LOXL1: variants seen among roughly 807,000 people sequenced by gnomAD.
LOXL1 encodes lysyl oxidase like 1, also known as lysyl oxidase homolog 1.
LOXL1 carries 31 observed loss-of-function variants against 62.2 expected under a neutral mutation model. The ratio of observed to expected loss-of-function variants is 0.50; its 90% CI spans 0.37 to 0.67. The LOEUF (loss-of-function observed/expected upper bound fraction) is 0.67, where lower values mean the gene tolerates loss of function less well. Among genes scored for constraint, LOXL1 ranks in the 30% least tolerant of loss-of-function variants. LOXL1 has a pLI of 0.00. For missense variants in LOXL1, 775 were observed against 843.4 expected (o/e 0.92, Z 1.00); for synonymous variants, 403 against 384.4 (o/e 1.05, Z -0.56).
chr15:73,947,841 C>T lies in LOXL1; in HGVS notation c.1541C>T (p.Ala514Val), dbSNP rs745893746. The change falls in exon 5 of 7, where the codon GCG becomes GTG. Residue 514 changes from alanine (A) to valine (V), a missense_variant. Ala to Val is a moderately conservative substitution (Grantham distance 64). Coordinates refer to ENST00000261921, the MANE Select transcript of LOXL1 (RefSeq NM_005576.4). ...CCAGGCTGCTATGACACCTACAATG[C>T]GGACATCGACTGCCAGTGGATCGAC... Reference protein sequence around the residue: ...LSPGCYDTYNADIDCQWIDIT... With the variant: ...LSPGCYDTYNVDIDCQWIDIT... The T allele has an allele frequency of 5.0e-6, 8 of 1,613,548 alleles. No homozygotes were observed. The highest frequency in any genetic ancestry group is 1.1e-5 in the South Asian group (1 of 91,058).
chr15:73,943,158 G>C (rs1188947014), intron 2 of LOXL1, among the ~76,000 whole-genome samples, 196 bp downstream of exon 2: 1 of 152,230 alleles, frequency 6.6e-6, no homozygotes. Context: ...AGGGGAGCAA[G>C]CGGGGGCCCA....
chr15:73,950,314 G>C (rs1342299102), intron 6 of LOXL1, among the ~76,000 whole-genome samples: 1 of 141,602 alleles, frequency 7.1e-6, no homozygotes, highest in Non-Finnish European at 1.5e-5. Flanking sequence ...AAAAAAATTA[G>C]TCCTAGAGCT....
At chr15:73,931,242 C>G (rs2141622756) in intron 1 of LOXL1, among the ~76,000 whole-genome samples, 1 of 151,976 alleles carries the variant, frequency 6.6e-6, no homozygotes, top group South Asian at 2.1e-4. Flanking sequence ...GATGGCTGTG[C>G]TAGCCTTGCC....
At position 73,947,191 on chromosome 15, in the gene LOXL1, C is replaced by G; in HGVS notation, c.1474C>G (p.Leu492Val). 1 of 1,612,720 alleles carries G rather than the reference C, an allele frequency of 6.2e-7. No homozygotes were observed. Among genetic ancestry groups the G allele is most frequent in the Non-Finnish European group, 8.5e-7 (1 of 1,178,886 alleles). Residue 492 changes from leucine (L) to valine (V), a missense_variant, in exon 4 of 7, where the codon CTC becomes GTC. Transcript: ENST00000261921. ...GGACAGCACCTGTGACTTCGGCAAC[C>G]TCAAGCGCTATGCATGCACCTCTCA... Reference protein sequence around the residue: ...LEDSTCDFGNLKRYACTSHTQ... With the variant: ...LEDSTCDFGNVKRYACTSHTQ...
chr15:73,951,777 C>T, intron 6 of LOXL1, 54 bp from the exon 7 acceptor site: 1 of 1,486,504 alleles, frequency 6.7e-7, no homozygotes, highest in Non-Finnish European at 9.0e-7. Context: ...GCTGAGGAGG[C>T]CACGGGGGCC....
intron 4 of LOXL1, chr15:73,947,543 C>G (rs1376119304): frequency 2.0e-6 from 1 of 498,422 alleles, no homozygotes; most frequent in Non-Finnish European, 3.6e-6. Context: ...CCTAAATATC[C>G]ACAAACTGTC....
At position 73,942,640 on chromosome 15, in the gene LOXL1, C is replaced by T. The variant is rs113498647; in HGVS notation, c.1103-214C>T. Among the ~76,000 whole-genome samples, 1,016 of 152,224 alleles carry T rather than the reference C, an allele frequency of 6.7e-3. 13 individuals are homozygous for T. Among genetic ancestry groups the T allele is most frequent in the African/African-American group, 0.023 (949 of 41,518 alleles). ...CAGGAAGTCTTAGCAGCTCCCACAC[C>T]GCAGAGCTCGAGATGTAAGCTCTTG... On this transcript the variant is annotated intron_variant, in intron 1 of 6. Coordinates refer to ENST00000261921, the MANE Select transcript of LOXL1 (RefSeq NM_005576.4).
chr15:73,927,329 G>A lies in LOXL1; in HGVS notation c.546G>A (p.Ala182=), dbSNP rs2068590328. The A allele has an allele frequency of 1.9e-6, 3 of 1,602,680 alleles. No homozygotes were observed. The highest frequency in any genetic ancestry group is 2.6e-6 in the Non-Finnish European group (3 of 1,176,284). The part of the protein sequence containing the change: ...SYPQQFPYPQ[A]PFVSQYENYD... ...CGCAGCAGTTCCCCTACCCGCAGGCGCCCTTCGTCAGCCAGTACGAGAACT... is the reference window on the plus strand; with the variant it reads ...CGCAGCAGTTCCCCTACCCGCAGGCACCCTTCGTCAGCCAGTACGAGAACT... The change falls in exon 1 of 7, where the codon GCG becomes GCA. Residue 182 remains alanine (A), a synonymous_variant. Coordinates refer to ENST00000261921, the MANE Select transcript of LOXL1 (RefSeq NM_005576.4).
In LOXL1 at chr15:73,946,572, G is replaced by A. The variant is rs1423410625; in HGVS notation, c.1349+18G>A. On this transcript the variant is annotated intron_variant, in intron 3 of 6. Transcript: ENST00000261921. ...TGCCACCAGTGAGTGGGGAGGGGCTGGGCCCGTCCTCTTCCACTTCTCCTC... is the reference window on the plus strand; with the variant it reads ...TGCCACCAGTGAGTGGGGAGGGGCTAGGCCCGTCCTCTTCCACTTCTCCTC... 5.7e-6 allele frequency: 9 copies of A among 1,591,254 alleles called. No individual in the cohort carries two copies. Among genetic ancestry groups the A allele is most frequent in the Non-Finnish European group, 7.7e-6 (9 of 1,168,618 alleles).
Position 73,926,905 on chromosome 15 carries a change from AGCT to A in LOXL1, c.124_126del (p.Leu42del). The A allele has an allele frequency of 6.4e-7, 1 of 1,568,468 alleles. No homozygotes were observed. Among genetic ancestry groups the A allele is most frequent in the Non-Finnish European group, 8.6e-7 (1 of 1,157,878 alleles). On this transcript the variant is annotated inframe_deletion, in exon 1 of 7. Coordinates refer to ENST00000261921, the MANE Select transcript of LOXL1 (RefSeq NM_005576.4). The stretch of plus-strand genomic sequence containing the variant: ...GGCTCGGACCCCGCCCGCTGGCGGC[AGCT>A]GATCCAGTGGGAGAACAACGGGCAG...
chr15:73,926,751 C>T lies in LOXL1; in HGVS notation c.-33C>T. The T allele has an allele frequency of 7.4e-7, 1 of 1,358,660 alleles. No homozygotes were observed. The highest frequency in any genetic ancestry group is 9.5e-7 in the Non-Finnish European group (1 of 1,048,214). 84.2% of individuals were successfully genotyped at this position (1,358,660 alleles called of 1,614,324 possible). A position where few individuals can be genotyped will look rare whatever the true frequency, so the allele number is the denominator to read the frequency against. On this transcript the variant is annotated 5_prime_UTR_variant, in exon 1 of 7. Coordinates refer to ENST00000261921, the MANE Select transcript of LOXL1 (RefSeq NM_005576.4). ...CCCAGGGGGCCACTCCTGAGAGCCT[C>T]TCTGTCCACCAGGCCTCTGCAGAGG... is the stretch of plus-strand genomic sequence containing the variant.
chr15:73,939,806 G>A (rs2068701251), intron 1 of LOXL1, among the ~76,000 whole-genome samples: 1 of 152,130 alleles, frequency 6.6e-6, no homozygotes, highest in African/African-American at 2.4e-5. Context: ...GTCCTGGGAG[G>A]GCAAGGAGAC....
At position 73,926,805 on chromosome 15, in the gene LOXL1, C is replaced by G; in HGVS notation, c.22C>G (p.Arg8Gly). The change falls in exon 1 of 7, where the codon CGG becomes GGG. Residue 8 changes from arginine to glycine, a missense_variant. Arg to Gly is a moderately radical substitution (Grantham distance 125, BLOSUM62 -2). Transcript: ENST00000261921. MALARGS[R>G]QLGALVWGAC... ...CACCATGGCTCTGGCCCGAGGCAGC[C>G]GGCAGCTGGGGGCCCTGGTGTGGGG... 1 of 1,482,270 alleles carries G rather than the reference C, an allele frequency of 6.7e-7. No individual in the cohort carries two copies. The highest frequency in any genetic ancestry group is 9.0e-7 in the Non-Finnish European group (1 of 1,115,640). 91.8% of individuals were successfully genotyped at this position (1,482,270 alleles called of 1,614,324 possible). A position where few individuals can be genotyped will look rare whatever the true frequency, so the allele number is the denominator to read the frequency against.
chr15:73,932,993 A>G (rs1056163346), intron 1 of LOXL1, among the ~76,000 whole-genome samples: 1 of 152,190 alleles, frequency 6.6e-6, no homozygotes, highest in Non-Finnish European at 1.5e-5. Context: ...GCCTCATTCC[A>G]GGCAGACTTC....
At chr15:73,949,178 CCT>C (rs1170343872) in intron 5 of LOXL1, among the ~76,000 whole-genome samples, 1 of 152,188 alleles carries the variant, frequency 6.6e-6, no homozygotes, top group Admixed American at 6.5e-5. Context: ...CAGGATCCAA[CCT>C]CTCTGACCCC....
chr15:73,933,381 G>A (rs2068648781), intron 1 of LOXL1, among the ~76,000 whole-genome samples: 1 of 152,124 alleles, frequency 6.6e-6, no homozygotes, highest in Non-Finnish European at 1.5e-5. Context: ...TGTGTCACCT[G>A]TCTCTGTGTT....
At chr15:73,947,996 C>T (rs2068760159) in intron 5 of LOXL1, 94 bp downstream of exon 5, 3 of 870,984 alleles carry the variant, frequency 3.4e-6, no homozygotes, top group Admixed American at 2.5e-5. Context: ...TGGGCCTGTT[C>T]CCTTCTCCCC....
chr15:73,943,258 C>T (rs1410012601), intron 2 of LOXL1, among the ~76,000 whole-genome samples: 1 of 152,220 alleles, frequency 6.6e-6, no homozygotes, highest in African/African-American at 2.4e-5. Context: ...GCATGGGTTA[C>T]CCCCTCAGGA....
rs575463775 is a variant in LOXL1 at position 73,948,063 on chromosome 15, G to A, written c.1602+161G>A. 2.4e-4 allele frequency among the ~76,000 whole-genome samples: 37 copies of A among 152,324 alleles called. No homozygotes were observed. The East Asian group carries it at 6.4e-3, about 26-fold the overall frequency. On this transcript the variant is annotated intron_variant, in intron 5 of 6. Transcript: ENST00000261921. The stretch of plus-strand genomic sequence containing the variant: ...CACTTGAGGTTTAGGCTTCCCAGCC[G>A]AAGATTTAGGTCTCAGGCTGACATA...
Sources: allele counts gnomAD v4.1 joint callset (sites outside exome capture counted in the v4.1 genomes callset), GRCh38; gene constraint gnomAD v4.1.1; transcripts MANE v1.5; gene names NCBI Gene and HGNC (gene_info 2026-07-23, HGNC 2026-07-21).